The following MARCHF1 variants were observed in gnomAD, a reference collection of about 807,000 sequenced individuals.
MARCHF1 encodes the protein membrane associated ring-CH-type finger 1.
Under a neutral mutation model 54.2 loss-of-function variants are expected in MARCHF1, and 40 were observed. That is an observed-to-expected ratio of 0.74 (90% CI 0.57 to 0.96). MARCHF1 has a LOEUF of 0.96. MARCHF1 is among the 40% of genes least tolerant of loss of function. The pLI is 0.00. For missense variants in MARCHF1, 586 were observed against 656.5 expected, an observed-to-expected ratio of 0.89 and a Z score of 1.17; for synonymous variants, 236 against 236.3, an observed-to-expected ratio of 1.00 and a Z score of 0.01.
At chr4:163,863,574 TG>T (rs1159136589) in intron 3 of MARCHF1, among the ~76,000 whole-genome samples, 1 of 152,062 alleles carries the variant, frequency 6.6e-6, no homozygotes, top group African/African-American at 2.4e-5. Context: ...TAGTTTAATA[TG>T]GATAAATGTG....
intron 1 of MARCHF1, among the ~76,000 whole-genome samples, chr4:164,280,898 A>G (rs1734009403): frequency 6.6e-6 from 1 of 152,100 alleles, no homozygotes; most frequent in African/African-American, 2.4e-5. Flanking sequence ...AATTTGCCTG[A>G]TTCTATTAGA....
intron 7 of MARCHF1, among the ~76,000 whole-genome samples, chr4:163,599,472 AT>A (rs1740884861): frequency 6.6e-6 from 1 of 151,918 alleles, no homozygotes; most frequent in Non-Finnish European, 1.5e-5. Context: ...TGCATATTTA[AT>A]TTTTTTAACA....
At chr4:163,648,622 A>G (rs1742848953) in intron 5 of MARCHF1, among the ~76,000 whole-genome samples, 1 of 151,448 alleles carries the variant, frequency 6.6e-6, no homozygotes, top group African/African-American at 2.4e-5. Context: ...TAAAAAAAAA[A>G]AAAAAAACTA....
chr4:164,241,419 C>A (rs1403879331), intron 1 of MARCHF1, among the ~76,000 whole-genome samples: 1 of 152,132 alleles, frequency 6.6e-6, no homozygotes, highest in African/African-American at 2.4e-5. Context: ...ACATAATTGT[C>A]CTGAGTTCAC....
At chr4:163,795,842 T>C (rs1489707334) in intron 4 of MARCHF1, among the ~76,000 whole-genome samples, 1 of 152,218 alleles carries the variant, frequency 6.6e-6, no homozygotes, top group African/African-American at 2.4e-5. Context: ...TACTGTTGAC[T>C]GGAAGCCTTA....
At chr4:163,628,407 A>T (rs1394249588) in intron 5 of MARCHF1, among the ~76,000 whole-genome samples, 2 of 152,282 alleles carry the variant, frequency 1.3e-5, no homozygotes, top group East Asian at 3.9e-4. Context: ...TCAAAATAAT[A>T]AGGGCTATTT....
At chr4:163,771,600 C>T (rs140722210) in intron 4 of MARCHF1, among the ~76,000 whole-genome samples, 33 of 152,306 alleles carry the variant, frequency 2.2e-4, no homozygotes, top group African/African-American at 7.7e-4. Context: ...GTTCTTCTCT[C>T]ATGACCTAAT....
chr4:163,865,046 C>T (rs1750019299), intron 3 of MARCHF1, among the ~76,000 whole-genome samples: 2 of 151,852 alleles, frequency 1.3e-5, no homozygotes, highest in South Asian at 4.1e-4. Flanking sequence ...AGGTTCCACT[C>T]CCGTCTCTCT....
chr4:164,048,422 C>G (rs948322744), intron 2 of MARCHF1, among the ~76,000 whole-genome samples: 1 of 152,108 alleles, frequency 6.6e-6, no homozygotes, highest in Non-Finnish European at 1.5e-5. Flanking sequence ...TCAGAATCAT[C>G]TGAATCATCA....
At chr4:164,054,354 C>G (rs368987242) in intron 2 of MARCHF1, among the ~76,000 whole-genome samples, 1,771 of 150,720 alleles carry the variant, frequency 0.012, 26 homozygotes, top group African/African-American at 0.03. Context: ...AACCATTGTG[C>G]AAGTCAGTGT....
At position 164,373,594 on chromosome 4, in the gene MARCHF1, G is replaced by C. The variant is rs553167711; in HGVS notation, c.-323+10276C>G. Among the ~76,000 whole-genome samples the C allele has an allele frequency of 6.6e-5, 10 of 151,856 alleles. No homozygotes were observed. The South Asian group carries it at 1.9e-3, about 28-fold the overall frequency. On this transcript the variant is annotated intron_variant, in intron 1 of 9. Transcript: ENST00000514618. ...GGTCTTGAACTTCTGACCTCCAGTG[G>C]CCTGCCTGCTTTGGCCTCCCAAAGT...
intron 1 of MARCHF1, among the ~76,000 whole-genome samples, chr4:164,367,628 G>GTTCT (rs1730912198): frequency 6.7e-6 from 1 of 149,380 alleles, no homozygotes; most frequent in East Asian, 2.0e-4. Flanking sequence ...TAGATTTAAA[G>GTTCT]TTCTTCCTTT....
chr4:163,688,098 T>A (rs754038106), intron 5 of MARCHF1, among the ~76,000 whole-genome samples: 1 of 151,662 alleles, frequency 6.6e-6, no homozygotes, highest in African/African-American at 2.4e-5. Flanking sequence ...GTAGGACACA[T>A]GGAAACAGCT....
In MARCHF1 at chr4:164,188,499, G is replaced by C. The variant is rs1475835805; in HGVS notation, c.-322-76837C>G. The C allele has an allele frequency of 4.4e-6, 3 of 682,288 alleles. No homozygotes were observed. The African/African-American group carries it at 5.3e-5, about 12-fold the overall frequency. 42.3% of individuals were successfully genotyped at this position (682,288 alleles called of 1,614,324 possible). On this transcript the variant is annotated intron_variant, in intron 1 of 9. Transcript: ENST00000514618. ...GTCGACCTGGGGACCACCTACTGCTGCGTCTGTGTGTTCAAGACCGGCTGC... is the reference window on the plus strand; with the variant it reads ...GTCGACCTGGGGACCACCTACTGCTCCGTCTGTGTGTTCAAGACCGGCTGC...
chr4:164,294,998 A>G (rs1331031342), intron 1 of MARCHF1, among the ~76,000 whole-genome samples: 1 of 152,158 alleles, frequency 6.6e-6, no homozygotes, highest in Non-Finnish European at 1.5e-5. Context: ...TTAATTTGGC[A>G]TAGGTAGATT....
intron 3 of MARCHF1, among the ~76,000 whole-genome samples, chr4:163,871,519 G>T (rs1443757636): frequency 6.6e-6 from 1 of 152,154 alleles, no homozygotes; most frequent in Non-Finnish European, 1.5e-5. Flanking sequence ...ACAAGTCTTT[G>T]CCTGCTAGAG....
chr4:163,796,220 A>ATTT (rs1747909647), intron 4 of MARCHF1, among the ~76,000 whole-genome samples: 5 of 92,408 alleles, frequency 5.4e-5, no homozygotes, highest in South Asian at 4.6e-4. Context: ...TGAAACTTCT[A>ATTT]GTTTTTTTTT....
At chr4:163,857,120 A>C (rs1291915390) in intron 3 of MARCHF1, among the ~76,000 whole-genome samples, 1 of 151,262 alleles carries the variant, frequency 6.6e-6, no homozygotes, top group African/African-American at 2.4e-5. Context: ...AAAAAAAAAA[A>C]CAAGGAAAGA....
intron 1 of MARCHF1, among the ~76,000 whole-genome samples, chr4:164,166,101 C>T (rs1730373135): frequency 1.3e-5 from 2 of 151,920 alleles, no homozygotes; most frequent in Admixed American, 6.6e-5. Flanking sequence ...GACACACTCC[C>T]ACTGGAATTT....
Sources: gnomAD v4.1 joint callset for allele counts (sites outside exome capture counted in the v4.1 genomes callset) on GRCh38, gnomAD v4.1.1 for gene constraint, MANE v1.5 for transcripts, NCBI Gene and HGNC (gene_info 2026-07-23, HGNC 2026-07-21) for gene names.